Variants in GPR158 observed in about 807,000 individuals in gnomAD.
GPR158 encodes the protein metabotropic glycine receptor.
In GPR158, 30 loss-of-function variants were observed where a neutral mutation model predicts 78.2. That is an observed-to-expected ratio of 0.38 (90% CI 0.29 to 0.52). The LOEUF (loss-of-function observed/expected upper bound fraction) is 0.52. GPR158 is among the 20% of genes least tolerant of loss of function. The pLI is 0.83. For missense variants in GPR158, 1,463 were observed against 1,523.5 expected, an observed-to-expected ratio of 0.96 and a Z score of 0.66; for synonymous variants, 581 against 591.1, an observed-to-expected ratio of 0.98 and a Z score of 0.25.
chr10:25,467,333 C>T (rs1319486578), intron 5 of GPR158, among the ~76,000 whole-genome samples: 1 of 152,072 alleles, frequency 6.6e-6, no homozygotes, highest in Non-Finnish European at 1.5e-5. Flanking sequence ...GTCTCCTATT[C>T]GGACTATTAA....
chr10:25,343,381 A>G (rs73608280), intron 2 of GPR158, among the ~76,000 whole-genome samples: 6,589 of 152,056 alleles, frequency 0.043, 149 homozygotes, highest in African/African-American at 0.055. Flanking sequence ...CTGTGTCACT[A>G]TATCTCTTAC....
At chr10:25,328,571 A>C (rs1209486031) in intron 2 of GPR158, among the ~76,000 whole-genome samples, 1 of 152,170 alleles carries the variant, frequency 6.6e-6, no homozygotes, top group East Asian at 1.9e-4. Context: ...TTAATGACTT[A>C]AAAGTCAATG....
At chr10:25,572,469 C>T (rs530507105) in intron 6 of GPR158, among the ~76,000 whole-genome samples, 180 bp from the exon 7 acceptor site, 1 of 152,278 alleles carries the variant, frequency 6.6e-6, no homozygotes, top group Non-Finnish European at 1.5e-5. Context: ...AGCCACTGCA[C>T]TCCAGCATGG....
chr10:25,541,758 G>A (rs1657333534), intron 5 of GPR158, among the ~76,000 whole-genome samples: 1 of 151,710 alleles, frequency 6.6e-6, no homozygotes, highest in Non-Finnish European at 1.5e-5. Context: ...TTACACACAA[G>A]GTTTAGTTTA....
chr10:25,424,271 G>A (rs1476184431), intron 4 of GPR158, among the ~76,000 whole-genome samples: 2 of 152,150 alleles, frequency 1.3e-5, no homozygotes, highest in Non-Finnish European at 2.9e-5. Context: ...GTAGATTCAG[G>A]ATATTAGCCC....
Position 25,290,551 on chromosome 10 carries a change from A to G in GPR158, c.1008+69394A>G, listed in dbSNP as rs148699981. Among the ~76,000 whole-genome samples the G allele has an allele frequency of 4.4e-3, 671 of 152,290 alleles. 5 individuals carry two copies. Among genetic ancestry groups the G allele is most frequent in the African/African-American group, 0.014 (590 of 41,580 alleles). ...TGATTTTGAAAGGAAAGGCAAGGGC[A>G]GTAGAAAATGTCTGAGGAAGAAATA... On this transcript the variant is annotated intron_variant, in intron 2 of 10. Transcript: ENST00000376351.
rs1393408555 is a variant in GPR158, at chr10:25,214,459, C to T, written c.903-6593C>T. Among the ~76,000 whole-genome samples, 8 of 152,258 alleles carry T rather than the reference C, an allele frequency of 5.3e-5. No individual in the cohort carries two copies. The East Asian group carries it at 1.6e-3, about 30-fold the overall frequency. ...CAGCTTCCTGTAGTAATACATCTTA[C>T]ATAACCATGGCAAAATTATCAAAAG... On this transcript the variant is annotated intron_variant, in intron 1 of 10. Coordinates refer to ENST00000376351, the MANE Select transcript of GPR158 (RefSeq NM_020752.3).
Position 25,598,262 on chromosome 10 carries a change from C to G in GPR158, c.2636C>G (p.Ser879Ter), listed in dbSNP as rs755472655. Reference protein sequence around the residue: ...STESVPLVCKSASAHNLSSEK... With the variant: ...STESVPLVCK The stretch of plus-strand genomic sequence containing the variant: ...GAGTCGGTGCCGTTGGTGTGCAAGT[C>G]AGCAAGCGCTCACAACCTCAGCTCA... Residue 879 changes from serine (S) to a stop codon, truncating the protein, a stop_gained, in exon 11 of 11, where the codon TCA (serine) becomes TGA (stop). Transcript: ENST00000376351. LOFTEE classifies it low-confidence loss of function (END_TRUNC). The G allele has an allele frequency of 8.7e-6, 14 of 1,613,932 alleles. No homozygotes were observed.
At chr10:25,521,209 C>T (rs1051841746) in intron 5 of GPR158, among the ~76,000 whole-genome samples, 2 of 152,222 alleles carry the variant, frequency 1.3e-5, no homozygotes, top group African/African-American at 4.8e-5. Context: ...GGCAATGCCT[C>T]GCCCTGCTTC....
intron 6 of GPR158, among the ~76,000 whole-genome samples, chr10:25,561,547 G>A (rs1008043443): frequency 6.6e-6 from 1 of 152,170 alleles, no homozygotes; most frequent in Non-Finnish European, 1.5e-5. Context: ...GGGACCAATA[G>A]TATCTATATT....
At chr10:25,440,661 C>T (rs1835055469) in intron 4 of GPR158, among the ~76,000 whole-genome samples, 1 of 152,126 alleles carries the variant, frequency 6.6e-6, no homozygotes, top group Non-Finnish European at 1.5e-5. Flanking sequence ...AAAGTGAAAT[C>T]TCTTATTTAT....
At chr10:25,454,496 A>C (rs1297091873) in intron 4 of GPR158, among the ~76,000 whole-genome samples, 1 of 152,194 alleles carries the variant, frequency 6.6e-6, no homozygotes, top group African/African-American at 2.4e-5. Context: ...TACTTGAAGA[A>C]GGCAAGCCTG....
intron 4 of GPR158, among the ~76,000 whole-genome samples, chr10:25,421,445 C>CT (rs1834750018): frequency 6.6e-6 from 1 of 152,108 alleles, no homozygotes; most frequent in Admixed American, 6.6e-5. Flanking sequence ...AAGCCAAGAC[C>CT]TGTAGCATTT....
At chr10:25,554,640 C>T (rs1289606534) in intron 6 of GPR158, among the ~76,000 whole-genome samples, 1 of 152,082 alleles carries the variant, frequency 6.6e-6, no homozygotes, top group East Asian at 1.9e-4. Context: ...CTATGATGGT[C>T]TCTCCCCACA....
At chr10:25,382,393 T>C (rs142991273) in intron 2 of GPR158, among the ~76,000 whole-genome samples, 11 of 150,312 alleles carry the variant, frequency 7.3e-5, no homozygotes, top group African/African-American at 2.4e-4. Context: ...CCATCGAACA[T>C]AAGAACATTT....
chr10:25,511,417 GTTTGTTGTAGATTCCGGATATTAGTCC>G (rs1198139038), intron 5 of GPR158, among the ~76,000 whole-genome samples: 1 of 152,098 alleles, frequency 6.6e-6, no homozygotes, highest in African/African-American at 2.4e-5. Flanking sequence ...GCTGATTTGA[GTTTGTTGTAGATTCCGGATATTAGTCC>G]TTTGTCAGAT....
chr10:25,592,552 G>A (rs137965092), intron 8 of GPR158, among the ~76,000 whole-genome samples: 53 of 152,030 alleles, frequency 3.5e-4, no homozygotes, highest in African/African-American at 1.2e-3. Context: ...AATATTTCTA[G>A]TCAGAATTGC....
rs149257560 is a variant in GPR158 at position 25,568,274 on chromosome 10, G to T, written c.1515-4375G>T. On this transcript the variant is annotated intron_variant, in intron 6 of 10. Transcript: ENST00000376351. ...ATATAGATAACTGAGATGGGGAGCCGTTGGAGTTTCTTGGGTGCAATATGT... is the reference window on the plus strand; with the variant it reads ...ATATAGATAACTGAGATGGGGAGCCTTTGGAGTTTCTTGGGTGCAATATGT... Among the ~76,000 whole-genome samples the T allele has an allele frequency of 3.3e-5, 5 of 152,272 alleles. No individual in the cohort carries two copies. The East Asian group carries it at 9.7e-4, about 29-fold the overall frequency.
intron 2 of GPR158, among the ~76,000 whole-genome samples, chr10:25,282,139 C>T (rs1373266730): frequency 1.3e-5 from 2 of 152,162 alleles, no homozygotes; most frequent in Non-Finnish European, 2.9e-5. Flanking sequence ...TCCACTAGCC[C>T]TCACCCTAGA....
Sources: gnomAD v4.1 joint callset for allele counts (sites outside exome capture counted in the v4.1 genomes callset) on GRCh38, gnomAD v4.1.1 for gene constraint, MANE v1.5 for transcripts, NCBI Gene and HGNC (gene_info 2026-07-23, HGNC 2026-07-21) for gene names.